TMTC2: variants seen among roughly 807,000 people sequenced by gnomAD.
TMTC2 encodes the protein transmembrane O-mannosyltransferase targeting cadherins 2.
TMTC2 carries 43 observed loss-of-function variants against 82.4 expected under a neutral mutation model. The ratio of observed to expected loss-of-function variants is 0.52; its 90% CI spans 0.41 to 0.67. TMTC2 has a LOEUF of 0.67. Among genes scored for constraint, TMTC2 ranks in the 30% least tolerant of loss-of-function variants. The probability of loss-of-function intolerance (pLI) is 0.00; values close to 1 mark genes in which losing one functional copy is unlikely to be tolerated. For missense variants in TMTC2, 919 were observed against 1,012.4 expected (o/e 0.91, Z 1.25); for synonymous variants, 408 against 381.9 (o/e 1.07, Z -0.80).
chr12:82,754,712 G>A (rs1203770646), intron 1 of TMTC2, among the ~76,000 whole-genome samples: 1 of 150,714 alleles, frequency 6.6e-6, no homozygotes, highest in African/African-American at 2.4e-5. Context: ...CCTCCAGCCT[G>A]GGGGACAGAG....
rs376597395 is a variant in TMTC2, at chr12:83,081,296, T to C, written c.2331+19465T>C. Among the ~76,000 whole-genome samples the C allele has an allele frequency of 8.1e-4, 124 of 152,338 alleles. 2 individuals carry two copies. The South Asian group carries it at 0.024, about 29-fold the overall frequency. Reference sequence around the variant, plus strand: ...TGTGATTACTTTGCTCTGGCCTGACTCATTATTATGCTAAATATGCTTGTC... The same window carrying C: ...TGTGATTACTTTGCTCTGGCCTGACCCATTATTATGCTAAATATGCTTGTC... On this transcript the variant is annotated intron_variant, in intron 11 of 11. Coordinates refer to ENST00000321196, the MANE Select transcript of TMTC2 (RefSeq NM_152588.3).
chr12:82,824,012 G>A (rs985264833), intron 1 of TMTC2, among the ~76,000 whole-genome samples: 2 of 151,362 alleles, frequency 1.3e-5, no homozygotes, highest in African/African-American at 2.4e-5. Context: ...TTGTGCCTCA[G>A]CCTCTCAAGT....
rs1175818337 is a variant in TMTC2, at chr12:82,966,933, A to T, written c.1884A>T (p.Val628=). 1 of 1,612,866 alleles carries T rather than the reference A, an allele frequency of 6.2e-7. No homozygotes were observed. The highest frequency in any genetic ancestry group is 1.3e-5 in the African/African-American group (1 of 75,014). ...TTATAAATTAGGAAGCCCTTAGTGT[A>T]TACAAGGAAGCAATTCAGAAAATGC... ...EQGHYEEALS[V]YKEAIQKMPR... Residue 628 remains valine (V), a synonymous_variant, in exon 7 of 12, where the codon GTA becomes GTT. Coordinates refer to ENST00000321196, the MANE Select transcript of TMTC2 (RefSeq NM_152588.3).
In TMTC2 at chr12:83,132,292, C is replaced by A; in HGVS notation, c.2414C>A (p.Ala805Asp). The A allele has an allele frequency of 6.2e-7, 1 of 1,614,010 alleles. No individual in the cohort carries two copies. The change falls in exon 12 of 12, where the codon GCC becomes GAC. Residue 805 changes from alanine to aspartate, a missense_variant. By Grantham distance (126) the Ala-to-Asp change is moderately radical (BLOSUM62 -2). Transcript: ENST00000321196. ...LQKAEANYLRALQLKPDDVIT... is the reference protein window; with the variant it reads ...LQKAEANYLRDLQLKPDDVIT... ...AAGGCCGAGGCCAACTACCTGCGGG[C>A]CCTGCAGCTCAAGCCAGACGATGTC... is the stretch of plus-strand genomic sequence containing the variant.
intron 1 of TMTC2, among the ~76,000 whole-genome samples, chr12:82,790,169 G>A (rs1476682046): frequency 7.4e-6 from 1 of 134,548 alleles, no homozygotes. Context: ...GTGAGACCTT[G>A]TCTCTTAAAA....
chr12:82,832,892 C>G (rs1869828948), intron 1 of TMTC2, among the ~76,000 whole-genome samples: 1 of 152,116 alleles, frequency 6.6e-6, no homozygotes. Context: ...GTTTTGCAGT[C>G]CCAGTTCCCT....
intron 1 of TMTC2, among the ~76,000 whole-genome samples, chr12:82,808,750 C>G (rs901963889): frequency 1.3e-5 from 2 of 151,968 alleles, no homozygotes; most frequent in Admixed American, 1.3e-4. Context: ...AAGTGATAAG[C>G]CTTTTTACTG....
At chr12:82,798,360 G>A (rs1270251673) in intron 1 of TMTC2, among the ~76,000 whole-genome samples, 9 of 148,670 alleles carry the variant, frequency 6.1e-5, no homozygotes, top group African/African-American at 9.9e-5. Flanking sequence ...TGGCGGGCGT[G>A]GTGGCGGGCG....
intron 8 of TMTC2, among the ~76,000 whole-genome samples, chr12:83,017,129 T>C (rs1880712720): frequency 1.3e-5 from 2 of 152,142 alleles, no homozygotes; most frequent in African/African-American, 4.8e-5. Context: ...TTGTTAATGC[T>C]CTCTTTGTTA....
intron 1 of TMTC2, among the ~76,000 whole-genome samples, chr12:82,818,076 A>G (rs1480532810): frequency 6.6e-6 from 1 of 152,120 alleles, no homozygotes; most frequent in Non-Finnish European, 1.5e-5. Flanking sequence ...CTTATCATTT[A>G]GTGCTATATC....
At chr12:82,697,907 A>G (rs1234694247) in intron 1 of TMTC2, among the ~76,000 whole-genome samples, 3 of 152,192 alleles carry the variant, frequency 2.0e-5, no homozygotes, top group Non-Finnish European at 4.4e-5. Context: ...TGAAGACTTT[A>G]TAGATTTCAG....
In TMTC2 at chr12:82,686,906, G is replaced by C. The variant is rs1872326433; in HGVS notation, c.-681G>C. On this transcript the variant is annotated 5_prime_UTR_variant, in exon 1 of 12. Transcript: ENST00000321196. Reference sequence around the variant, plus strand: ...TCACGCAGGCGCGGGGGGCCGCGTCGAGAACCCCACGCGGGAGCTTCTGGA... The same window carrying C: ...TCACGCAGGCGCGGGGGGCCGCGTCCAGAACCCCACGCGGGAGCTTCTGGA... 1 of 153,542 alleles carries C rather than the reference G, an allele frequency of 6.5e-6. No homozygotes were observed. Among genetic ancestry groups the C allele is most frequent in the Non-Finnish European group, 1.5e-5 (1 of 68,504 alleles). The allele number at this position is 153,542 out of a possible 1,614,324, so 9.5% of individuals were successfully genotyped here. A position where few individuals can be genotyped will look rare whatever the true frequency, so the allele number is the denominator to read the frequency against.
intron 8 of TMTC2, among the ~76,000 whole-genome samples, chr12:83,011,290 C>T (rs1481298378): frequency 6.6e-6 from 1 of 152,194 alleles, no homozygotes; most frequent in Non-Finnish European, 1.5e-5. Flanking sequence ...TGTTCAACTA[C>T]TTATTAGCTC....
chr12:83,077,830 C>T (rs571766648), intron 11 of TMTC2, among the ~76,000 whole-genome samples: 18 of 149,902 alleles, frequency 1.2e-4, no homozygotes, highest in Non-Finnish European at 2.2e-4. Flanking sequence ...ACTTCGGCCT[C>T]CCAAAATGCT....
chr12:83,019,153 T>C (rs1880805471), intron 8 of TMTC2, among the ~76,000 whole-genome samples: 1 of 14,888 alleles, frequency 6.7e-5, no homozygotes, highest in Admixed American at 1.5e-3. Context: ...AATTTTAAAC[T>C]AAACTAAAAA....
intron 1 of TMTC2, among the ~76,000 whole-genome samples, chr12:82,722,712 G>A (rs1178525461): frequency 3.9e-5 from 6 of 151,926 alleles, no homozygotes; most frequent in Non-Finnish European, 2.9e-5. Context: ...ACTGCATTTC[G>A]GCCTGGGCAA....
intron 8 of TMTC2, among the ~76,000 whole-genome samples, chr12:82,997,424 A>ATGTG (rs1879714121): frequency 1.3e-4 from 7 of 55,086 alleles, no homozygotes; most frequent in African/African-American, 3.2e-4. Flanking sequence ...ATATATATAT[A>ATGTG]TATACACACA....
intron 8 of TMTC2, among the ~76,000 whole-genome samples, chr12:83,016,385 T>C (rs1880682279): frequency 6.6e-6 from 1 of 152,204 alleles, no homozygotes; most frequent in Non-Finnish European, 1.5e-5. Context: ...CCTACTCTTT[T>C]TTCAAACCTC....
chr12:82,871,294 C>T (rs1316716843), intron 2 of TMTC2, among the ~76,000 whole-genome samples: 1 of 152,030 alleles, frequency 6.6e-6, no homozygotes. Flanking sequence ...TCATGGTCTT[C>T]CTGTTATACT....
Sources: gnomAD v4.1 joint callset for allele counts (sites outside exome capture counted in the v4.1 genomes callset) on GRCh38, gnomAD v4.1.1 for gene constraint, MANE v1.5 for transcripts, NCBI Gene and HGNC (gene_info 2026-07-23, HGNC 2026-07-21) for gene names.